The following DMD variants were observed in gnomAD, a reference collection of about 807,000 sequenced individuals.
The protein encoded by DMD is mutant dystrophin.
In DMD, 63 loss-of-function variants were observed where a neutral mutation model predicts 330.1. The ratio of observed to expected loss-of-function variants is 0.19; its 90% confidence interval spans 0.16 to 0.24. The LOEUF (loss-of-function observed/expected upper bound fraction) is 0.24, where lower values mean the gene tolerates loss of function less well. DMD is among the 10% of genes least tolerant of loss of function. The pLI, the probability that DMD is intolerant of heterozygous loss-of-function variation, is 1.00. For synonymous variants in DMD, 1,223 were observed against 959.8 expected (o/e 1.27, Z -5.07); for missense variants, 3,344 against 2,684.1 (o/e 1.25, Z -5.43).
chrX:32,851,076 T>G (rs997193541), intron 2 of DMD, among the ~76,000 whole-genome samples: 5 of 112,122 alleles, frequency 4.5e-5, no homozygotes, highest in Middle Eastern at 4.7e-3. Context: ...TTTGGGTGAC[T>G]GTGCTCTTTA....
At chrX:31,263,038 A>G (rs989494848) in intron 62 of DMD, among the ~76,000 whole-genome samples, 3 of 112,820 alleles carry the variant, frequency 2.7e-5, no homozygotes, top group Admixed American at 1.9e-4. Context: ...GAGGAAGCAC[A>G]CACATGTGTG....
intron 62 of DMD, among the ~76,000 whole-genome samples, chrX:31,269,925 C>T (rs929979651): frequency 2.7e-5 from 3 of 111,885 alleles, no homozygotes; most frequent in African/African-American, 6.5e-5. Context: ...GCTTTCCTGC[C>T]GTTTGGCTTC....
chrX:31,894,958 A>T (rs2094310995), intron 47 of DMD, among the ~76,000 whole-genome samples: 1 of 111,869 alleles, frequency 8.9e-6, no homozygotes, highest in Non-Finnish European at 1.9e-5. Context: ...AAAACTGTTG[A>T]ATTGGTTAGT....
intron 44 of DMD, among the ~76,000 whole-genome samples, chrX:32,183,851 C>A (rs2096936338): frequency 2.7e-5 from 3 of 109,323 alleles, no homozygotes; most frequent in Non-Finnish European, 5.7e-5. Flanking sequence ...TTACTATTAT[C>A]TTTTAAGTAG....
intron 1 of DMD, among the ~76,000 whole-genome samples, chrX:33,204,535 C>T (rs190337651): frequency 1.7e-3 from 189 of 111,333 alleles, no homozygotes; most frequent in Non-Finnish European, 2.8e-3. Flanking sequence ...CCCTATTATA[C>T]ATTCTTATTA....
chrX:32,939,482 C>A (rs763511378), intron 2 of DMD, among the ~76,000 whole-genome samples: 1 of 110,842 alleles, frequency 9.0e-6, no homozygotes, highest in Non-Finnish European at 1.9e-5. Context: ...CCTCCTTACA[C>A]GTCAGTAAGC....
chrX:32,347,457 G>C (rs2097767874), intron 38 of DMD, among the ~76,000 whole-genome samples: 1 of 111,309 alleles, frequency 9.0e-6, no homozygotes. Flanking sequence ...CAGCAACTTG[G>C]AAAGCCTCTT....
chrX:31,740,183 C>T (rs768157034), intron 51 of DMD, among the ~76,000 whole-genome samples: 33 of 111,907 alleles, frequency 2.9e-4, no homozygotes, highest in African/African-American at 1.1e-3. Context: ...TAATGATTTG[C>T]AAACGCATTT....
chrX:31,801,588 C>G lies in DMD; in HGVS notation c.7309+18387G>C, dbSNP rs770374325. On this transcript the variant is annotated intron_variant, in intron 50 of 78. Coordinates refer to ENST00000357033, the MANE Select transcript of DMD (RefSeq NM_004006.3). ...GATCTTAAGTGTCCTCATCCCCCCC[C>G]CCCAACACACACACAATAGTAACTA... 5.1e-3 allele frequency among the ~76,000 whole-genome samples: 403 copies of G among 78,739 alleles called. 2 individuals are homozygous for G. Among genetic ancestry groups the G allele is most frequent in the South Asian group, 0.03 (29 of 952 alleles). The allele number at this position is 78,739 out of a possible 115,157, so 68.4% of individuals were successfully genotyped here. A position where few individuals can be genotyped will look rare whatever the true frequency, so the allele number is the denominator to read the frequency against.
intron 1 of DMD, among the ~76,000 whole-genome samples, chrX:33,294,671 A>T (rs1416072759): frequency 2.7e-5 from 3 of 109,884 alleles, no homozygotes; most frequent in Non-Finnish European, 5.7e-5. Context: ...AATGTGTCAA[A>T]TTTTTTATTT....
At chrX:31,980,258 T>C (rs5927911) in intron 44 of DMD, among the ~76,000 whole-genome samples, 10,109 of 111,532 alleles carry the variant, frequency 0.091, 402 homozygotes, top group East Asian at 0.15. Flanking sequence ...CCACAGCATC[T>C]TATTCATAAC....
intron 55 of DMD, among the ~76,000 whole-genome samples, chrX:31,619,319 G>A (rs948387739): frequency 1.8e-5 from 2 of 111,193 alleles, no homozygotes; most frequent in Middle Eastern, 4.8e-3. Context: ...CAACATCACA[G>A]GTTTTCACTA....
intron 76 of DMD, among the ~76,000 whole-genome samples, chrX:31,144,180 C>T (rs2036412611): frequency 8.9e-6 from 1 of 112,007 alleles, no homozygotes. Context: ...GGTTCTTGAA[C>T]TTCATCACAT....
intron 8 of DMD, among the ~76,000 whole-genome samples, chrX:32,698,639 G>T (rs12006840): frequency 0.15 from 16,723 of 111,259 alleles, 2,918 homozygotes; most frequent in African/African-American, 0.51. Flanking sequence ...ATTTGAAATA[G>T]TTTAAAACAC....
intron 27 of DMD, among the ~76,000 whole-genome samples, chrX:32,444,959 C>T (rs1215963486): frequency 9.0e-6 from 1 of 111,144 alleles, no homozygotes; most frequent in African/African-American, 3.3e-5. Flanking sequence ...TTTCAAACTT[C>T]TCATTCCTGA....
chrX:32,447,905 A>T (rs1395392203), intron 27 of DMD, among the ~76,000 whole-genome samples: 2 of 111,538 alleles, frequency 1.8e-5, no homozygotes, highest in Non-Finnish European at 3.8e-5. Context: ...TTAAAGCAGA[A>T]GTTGTGATAA....
chrX:32,481,249 C>T (rs1057317892), intron 21 of DMD, among the ~76,000 whole-genome samples: 1 of 111,107 alleles, frequency 9.0e-6, no homozygotes, highest in Non-Finnish European at 1.9e-5. Context: ...CAGATCATCA[C>T]CTCTTCAAGG....
intron 47 of DMD, among the ~76,000 whole-genome samples, chrX:31,876,687 A>G (rs934214972): frequency 2.8e-5 from 3 of 108,016 alleles, no homozygotes; most frequent in Non-Finnish European, 5.7e-5. Flanking sequence ...TCCCATCTCT[A>G]CAAAAAAAAA....
chrX:32,618,296 T>C (rs2057735332), intron 11 of DMD, among the ~76,000 whole-genome samples: 1 of 112,101 alleles, frequency 8.9e-6, no homozygotes, highest in Non-Finnish European at 1.9e-5. Context: ...ATAAAGAAAA[T>C]GTGGTAAACA....
Sources: gnomAD v4.1 joint callset for allele counts (sites outside exome capture counted in the v4.1 genomes callset) on GRCh38, gnomAD v4.1.1 for gene constraint, MANE v1.5 for transcripts, NCBI Gene and HGNC (gene_info 2026-07-23, HGNC 2026-07-21) for gene names.